The following ZNF814 variants were observed in gnomAD, a reference collection of about 807,000 sequenced individuals.
ZNF814 encodes the protein zinc finger protein 814.
ZNF814 carries 5 observed loss-of-function variants against 7.5 expected under a neutral mutation model. The observed-to-expected ratio is 0.67, with a 90% CI of 0.35 to 1.40. The LOEUF is 1.40. ZNF814 is among the 40% of genes most tolerant of loss of function. ZNF814 has a pLI of 0.04. For missense variants in ZNF814, 962 were observed against 1,018.0 expected (o/e 0.94, Z 0.75); for synonymous variants, 315 against 340.7 (o/e 0.92, Z 0.83).
At chr19:57,901,285 C>T in the ZNF814 span, among the ~76,000 whole-genome samples, 1 of 152,140 alleles carries the variant, frequency 6.6e-6, no homozygotes. Context: ...GTATATAAAA[C>T]CCTACATATA....
Position 57,876,920 on chromosome 19 carries a change from G to A in ZNF814, c.159C>T (p.Ser53=), listed in dbSNP as rs751139084. Residue 53 remains serine (S), a synonymous_variant, in exon 2 of 3, where the codon TCC becomes TCT. Transcript: ENST00000435989. The part of the protein sequence containing the change: ...VTLENLALIS[S]LGCWCGVEDE... ...GGGTGAGTGTGAGCAACTTACCCAG[G>A]GAGGATATAAGTGCCAGGTTCTCCA... is the stretch of plus-strand genomic sequence containing the variant. The A allele has an allele frequency of 3.1e-6, 5 of 1,614,108 alleles. No individual in the cohort carries two copies. Among genetic ancestry groups the A allele is most frequent in the Non-Finnish European group, 2.5e-6 (3 of 1,179,990 alleles).
At chr19:57,903,075 T>G in the ZNF814 span, among the ~76,000 whole-genome samples, 4 of 152,166 alleles carry the variant, frequency 2.6e-5, no homozygotes, top group African/African-American at 9.7e-5. Context: ...AATCAAACTA[T>G]CTTGTTAATT....
chr19:57,876,682 G>A (rs2071609531), intron 2 of ZNF814: 1 of 576,646 alleles, frequency 1.7e-6, no homozygotes, highest in Non-Finnish European at 2.9e-6. Flanking sequence ...TAACAAGGTG[G>A]GCTTCTGACT....
the ZNF814 span, chr19:57,901,675 T>A: frequency 5.0e-5 from 18 of 358,936 alleles, no homozygotes; most frequent in African/African-American, 4.8e-4. Context: ...CCCTCCAACA[T>A]GGGGACAAAT....
chr19:57,883,261 G>A (rs539360923), intron 1 of ZNF814, among the ~76,000 whole-genome samples: 1 of 152,176 alleles, frequency 6.6e-6, no homozygotes, highest in East Asian at 1.9e-4. Flanking sequence ...GGGAGGCTGA[G>A]GCAGGAGAAT....
chr19:57,879,286 A>G (rs2071633895), intron 1 of ZNF814, among the ~76,000 whole-genome samples: 2 of 151,270 alleles, frequency 1.3e-5, no homozygotes, highest in Admixed American at 1.3e-4. Flanking sequence ...TACACTTGCC[A>G]GCCCCTCAGC....
chr19:57,888,681 C>G, intron 1 of ZNF814, 86 bp downstream of exon 1: 1 of 1,507,582 alleles, frequency 6.6e-7, no homozygotes, highest in Non-Finnish European at 9.0e-7. Context: ...GGCGTCCGGG[C>G]TGCAGAGCCG....
At chr19:57,903,842 A>G in the ZNF814 span, among the ~76,000 whole-genome samples, 1 of 152,150 alleles carries the variant, frequency 6.6e-6, no homozygotes, top group Non-Finnish European at 1.5e-5. Flanking sequence ...TTTGCAGGAC[A>G]AAAAAGGGAG....
rs2071580808 is a variant in ZNF814, at chr19:57,873,959, G to A, written c.1431C>T (p.Arg477=). 2 of 1,613,840 alleles carry A rather than the reference G, an allele frequency of 1.2e-6. No individual in the cohort carries two copies. The highest frequency in any genetic ancestry group is 1.1e-5 in the South Asian group (1 of 91,062). Residue 477 remains arginine, a synonymous_variant, in exon 3 of 3, where the codon CGC becomes CGT. Transcript: ENST00000435989. ...GAACTCGCTGATGGTGAACAAGGCT[G>A]CGCTTATGACTGAAAGATTTCACAC... The part of the protein sequence containing the change: ...GECVKSFSHK[R]SLVHHQRVHS...
the ZNF814 span, among the ~76,000 whole-genome samples, chr19:57,898,761 TGAA>T: frequency 2.0e-5 from 3 of 152,162 alleles, no homozygotes; most frequent in East Asian, 5.8e-4. Context: ...GCTAACACAG[TGAA>T]ACCCTGTCTC....
chr19:57,877,198 A>G (rs1330366278), intron 1 of ZNF814, among the ~76,000 whole-genome samples, 156 bp from the exon 2 acceptor site: 2 of 152,024 alleles, frequency 1.3e-5, no homozygotes, highest in African/African-American at 4.8e-5. Context: ...GCCACCAACA[A>G]TAGTTGAACA....
chr19:57,904,368 C>T, the ZNF814 span, among the ~76,000 whole-genome samples: 2 of 152,142 alleles, frequency 1.3e-5, no homozygotes, highest in African/African-American at 4.8e-5. Flanking sequence ...GCGTTGGCCC[C>T]TGAGACCCAC....
chr19:57,878,688 A>C (rs2071629111), intron 1 of ZNF814, among the ~76,000 whole-genome samples: 1 of 152,114 alleles, frequency 6.6e-6, no homozygotes, highest in Non-Finnish European at 1.5e-5. Context: ...CAAACCCCTG[A>C]TGTCAAATGA....
chr19:57,902,243 T>G, the ZNF814 span, among the ~76,000 whole-genome samples: 1 of 152,200 alleles, frequency 6.6e-6, no homozygotes, highest in African/African-American at 2.4e-5. Flanking sequence ...GTGTAGCAAG[T>G]AAGGCTGGGG....
rs2071610398 is a variant in ZNF814, at chr19:57,876,800, A to AG, written c.163+115dup. On this transcript the variant is annotated intron_variant, in intron 2 of 2. Transcript: ENST00000435989. ...ACCTACCAACCAAGAACCTACCCACAGAACTGAAGCAGGAAGCTGTGTCCA... is the reference window on the plus strand; with the variant it reads ...ACCTACCAACCAAGAACCTACCCACAGGAACTGAAGCAGGAAGCTGTGTCCA... 3.3e-6 allele frequency: 5 copies of AG among 1,531,416 alleles called. No homozygotes were observed. In the African/African-American group the frequency reaches 6.9e-5, roughly 21 times the overall value. 94.9% of individuals were successfully genotyped at this position (1,531,416 alleles called of 1,614,324 possible). A position where few individuals can be genotyped will look rare whatever the true frequency, so the allele number is the denominator to read the frequency against.
chr19:57,890,238 GAA>G (rs1216864342), upstream of ZNF814, among the ~76,000 whole-genome samples: 2 of 152,184 alleles, frequency 1.3e-5, no homozygotes, highest in Non-Finnish European at 2.9e-5. Context: ...AATTGCAAAA[GAA>G]AAAGAGTTTT....
Position 57,873,792 on chromosome 19 carries a change from C to T in ZNF814, c.1598G>A (p.Gly533Glu), listed in dbSNP as rs776338240. ...AATTTGCTGATGGTTCCTAAGATGT[C>T]CTTTTGAACTAAATGATTTCCCACA... ...GECGKSFSSK[G>E]HLRNHQQIHT... Residue 533 changes from glycine to glutamate, a missense_variant, in exon 3 of 3, where the codon GGA becomes GAA. This residue lies in a region of ZNF814 where 665 missense variants were observed against 551.4 expected (regional missense o/e 1.21). Transcript: ENST00000435989. The T allele has an allele frequency of 6.2e-7, 1 of 1,614,002 alleles. No homozygotes were observed. The highest frequency in any genetic ancestry group is 2.2e-5 in the East Asian group (1 of 44,846).
intron 1 of ZNF814, 116 bp downstream of exon 1, chr19:57,888,651 C>T (rs1229278405): frequency 1.5e-6 from 2 of 1,314,708 alleles, no homozygotes; most frequent in Middle Eastern, 1.8e-4. Flanking sequence ...CTCCCGCAAG[C>T]GCCTCAGTGT....
intron 1 of ZNF814, among the ~76,000 whole-genome samples, chr19:57,878,000 A>G (rs1460593805): frequency 6.6e-6 from 1 of 151,794 alleles, no homozygotes. Context: ...CTTCGGCTCT[A>G]CTAAAAATAC....
Sources: allele counts gnomAD v4.1 joint callset (sites outside exome capture counted in the v4.1 genomes callset), GRCh38; gene constraint gnomAD v4.1.1; regional missense constraint gnomAD v4.1.1; transcripts MANE v1.5; gene names NCBI Gene and HGNC (gene_info 2026-07-23, HGNC 2026-07-21).